The following MRPL22 variants were observed in gnomAD, a reference collection of about 807,000 sequenced individuals.
MRPL22 encodes the protein large ribosomal subunit protein uL22m.
MRPL22 carries 27 observed loss-of-function variants against 32.4 expected under a neutral mutation model. The ratio of observed to expected loss-of-function variants is 0.83; its 90% confidence interval spans 0.61 to 1.15. The LOEUF (loss-of-function observed/expected upper bound fraction) is 1.15. Ranked by LOEUF, MRPL22 falls within the 50% of genes most tolerant of loss-of-function variation. The probability of loss-of-function intolerance (pLI) is 0.00; values close to 1 mark genes in which losing one functional copy is unlikely to be tolerated. For missense variants in MRPL22, 239 were observed against 260.2 expected, an observed-to-expected ratio of 0.92 and a Z score of 0.56; for synonymous variants, 86 against 87.3, an observed-to-expected ratio of 0.99 and a Z score of 0.08.
At chr5:154,960,999 A>G (rs905631049) in intron 6 of MRPL22, among the ~76,000 whole-genome samples, 1 of 152,210 alleles carries the variant, frequency 6.6e-6, no homozygotes, top group African/African-American at 2.4e-5. Flanking sequence ...CTGAATCAAT[A>G]CAGGGGGAAT....
At chr5:154,948,084 T>C (rs1413376271) in intron 2 of MRPL22, among the ~76,000 whole-genome samples, 1 of 152,226 alleles carries the variant, frequency 6.6e-6, no homozygotes, top group Non-Finnish European at 1.5e-5. Context: ...CAAAGTTTGC[T>C]GTGTTAACTT....
intron 6 of MRPL22, 122 bp from the exon 7 acceptor site, chr5:154,966,564 C>A: frequency 1.0e-6 from 1 of 991,584 alleles, no homozygotes; most frequent in Non-Finnish European, 1.5e-6. Context: ...CAAGCCTGCT[C>A]TAGCCAACCA....
intron 5 of MRPL22, among the ~76,000 whole-genome samples, chr5:154,959,516 G>T (rs924642545): frequency 6.6e-6 from 1 of 151,866 alleles, no homozygotes; most frequent in African/African-American, 2.4e-5. Flanking sequence ...GCTGATTTTT[G>T]TGTTTTTAGT....
At chr5:154,966,558 C>A in intron 6 of MRPL22, 128 bp from the exon 7 acceptor site, 2 of 901,700 alleles carry the variant, frequency 2.2e-6, no homozygotes, top group Non-Finnish European at 1.7e-6. Context: ...TTGAGACAAG[C>A]CTGCTCTAGC....
intron 4 of MRPL22, 156 bp downstream of exon 4, chr5:154,956,592 T>G: frequency 1.7e-6 from 1 of 584,020 alleles, no homozygotes; most frequent in South Asian, 2.4e-5. Context: ...TGTTCAGAGA[T>G]GTATGATTTT....
rs143371418 is a variant in MRPL22, at chr5:154,964,657, G to A, written c.410-2029G>A. ...TAAGATATGCAGATGATCTTTTATG[G>A]CTTTAAGATGAAATCATGACTGACA... On this transcript the variant is annotated intron_variant, in intron 6 of 6. Coordinates refer to ENST00000523037, the MANE Select transcript of MRPL22 (RefSeq NM_014180.4). 3.6e-3 allele frequency among the ~76,000 whole-genome samples: 542 copies of A among 152,274 alleles called. 5 individuals carry two copies. Among genetic ancestry groups the A allele is most frequent in the African/African-American group, 0.012 (479 of 41,564 alleles).
chr5:154,956,655 C>T (rs938180596), intron 4 of MRPL22: 19 of 468,906 alleles, frequency 4.1e-5, no homozygotes, highest in African/African-American at 3.5e-4. Flanking sequence ...TAGATAGATA[C>T]TAAAAGGCAT....
Position 154,960,024 on chromosome 5 carries a change from G to A in MRPL22, c.384G>A (p.Val128=), listed in dbSNP as rs1685367197. Residue 128 remains valine (V), a synonymous_variant, in exon 6 of 7, where the codon GTG becomes GTA. Transcript: ENST00000523037. ...AQDMAVRDHN[V]EFRSNLYIAE... ...ATATGGCAGTGAGAGACCATAACGT[G>A]GAATTCAGGTCCAATTTATATATAG... The A allele has an allele frequency of 6.2e-7, 1 of 1,611,718 alleles. No individual in the cohort carries two copies. The highest frequency in any genetic ancestry group is 1.3e-5 in the African/African-American group (1 of 74,846).
At chr5:154,943,700 C>T (rs542410339) in intron 2 of MRPL22, among the ~76,000 whole-genome samples, 6 of 149,616 alleles carry the variant, frequency 4.0e-5, no homozygotes, top group African/African-American at 1.2e-4. Flanking sequence ...TTAAAGACAG[C>T]GTTTTGCTGT....
chr5:154,953,590 A>G (rs971926944), intron 3 of MRPL22, among the ~76,000 whole-genome samples: 1 of 151,566 alleles, frequency 6.6e-6, no homozygotes, highest in African/African-American at 2.4e-5. Flanking sequence ...AACCGTTTCT[A>G]TATGAGACGT....
intron 3 of MRPL22, among the ~76,000 whole-genome samples, chr5:154,953,362 G>GAAAAAAAAA (rs573134537): frequency 2.9e-5 from 2 of 69,260 alleles, no homozygotes; most frequent in Admixed American, 2.2e-4. Flanking sequence ...CGTCTCAGGA[G>GAAAAAAAAA]AAAAAAAAAA....
rs780602140 is a variant in MRPL22, at chr5:154,941,132, C to T, written c.22C>T (p.Gln8Ter). The change falls in exon 1 of 7, where the codon CAG becomes TAG. Residue 8 changes from glutamine to a stop codon, truncating the protein, a stop_gained. Coordinates refer to ENST00000523037, the MANE Select transcript of MRPL22 (RefSeq NM_014180.4). LOFTEE classifies it high-confidence loss of function. MAAAVLG[Q>*]LGALWIHNLR... ...AAAGATGGCGGCGGCAGTACTGGGA[C>T]AGTTGGGTAAGGATTTCTTAGTGGT... 1 of 1,614,012 alleles carries T rather than the reference C, an allele frequency of 6.2e-7. No homozygotes were observed. Among genetic ancestry groups the T allele is most frequent in the South Asian group, 1.1e-5 (1 of 91,074 alleles).
At chr5:154,949,587 A>G (rs937546022) in intron 2 of MRPL22, among the ~76,000 whole-genome samples, 8 of 152,172 alleles carry the variant, frequency 5.3e-5, no homozygotes, top group African/African-American at 1.9e-4. Flanking sequence ...GGGAATCTTT[A>G]TTTTATCTGT....
chr5:154,964,793 T>TGATCTAGTG (rs1382527109), intron 6 of MRPL22, among the ~76,000 whole-genome samples: 2 of 152,110 alleles, frequency 1.3e-5, no homozygotes, highest in African/African-American at 4.8e-5. Context: ...TTGATCATTG[T>TGATCTAGTG]GATCTAGTGA....
chr5:154,952,734 G>A (rs1561739837), intron 3 of MRPL22, among the ~76,000 whole-genome samples: 1 of 152,198 alleles, frequency 6.6e-6, no homozygotes, highest in East Asian at 1.9e-4. Context: ...TCATAATACT[G>A]CGCTATAATA....
intron 6 of MRPL22, among the ~76,000 whole-genome samples, chr5:154,966,205 C>T (rs1764764476): frequency 6.6e-6 from 1 of 152,146 alleles, no homozygotes. Context: ...GAGTGCATTC[C>T]CACCATTGGG....
chr5:154,951,468 G>A (rs1041053047), intron 3 of MRPL22, among the ~76,000 whole-genome samples: 1 of 152,148 alleles, frequency 6.6e-6, no homozygotes, highest in Non-Finnish European at 1.5e-5. Context: ...ATTTTGTCAT[G>A]ACATCACAAC....
rs1764791434 is a variant in MRPL22 at position 154,968,013 on chromosome 5, G to T, written c.*1116G>T. On this transcript the variant is annotated 3_prime_UTR_variant, in exon 7 of 7. Coordinates refer to ENST00000523037, the MANE Select transcript of MRPL22 (RefSeq NM_014180.4). ...CATTAATAATAGTTACTGTTTACTG[G>T]GAACTTGTTATTTGCAAGCTCTGTG... is the stretch of plus-strand genomic sequence containing the variant. 6.6e-6 allele frequency: 1 copy of T among 152,100 alleles called. No individual in the cohort carries two copies. Among genetic ancestry groups the T allele is most frequent in the South Asian group, 2.1e-4 (1 of 4,826 alleles). The allele number at this position is 152,100 out of a possible 1,614,324, so 9.4% of individuals were successfully genotyped here. A position where few individuals can be genotyped will look rare whatever the true frequency, so the allele number is the denominator to read the frequency against.
At chr5:154,952,103 G>C (rs1006500281) in intron 3 of MRPL22, among the ~76,000 whole-genome samples, 1 of 151,992 alleles carries the variant, frequency 6.6e-6, no homozygotes, top group Non-Finnish European at 1.5e-5. Context: ...GGATGGTCTC[G>C]ATCTCCTGAC....
Sources: allele counts gnomAD v4.1 joint callset (sites outside exome capture counted in the v4.1 genomes callset), GRCh38; gene constraint gnomAD v4.1.1; transcripts MANE v1.5; gene names NCBI Gene and HGNC (gene_info 2026-07-23, HGNC 2026-07-21).